The following CCSER1 variants were observed in gnomAD, a reference collection of about 807,000 sequenced individuals.
CCSER1 encodes the protein serine-rich coiled-coil domain-containing protein 1.
A neutral mutation model predicts 82.0 loss-of-function variants in CCSER1; 41 were observed. That is an observed-to-expected ratio of 0.50 (90% CI 0.39 to 0.65). The LOEUF (loss-of-function observed/expected upper bound fraction) is 0.65, where lower values mean the gene tolerates loss of function less well. Among genes scored for constraint, CCSER1 ranks in the 30% least tolerant of loss-of-function variants. The pLI, the probability that CCSER1 is intolerant of heterozygous loss-of-function variation, is 0.00. For synonymous variants in CCSER1, 414 were observed against 383.9 expected (o/e 1.08, Z -0.92); for missense variants, 1,119 against 1,064.2 (o/e 1.05, Z -0.72).
chr4:91,351,720 A>G (rs1314698356), intron 10 of CCSER1, among the ~76,000 whole-genome samples: 1 of 152,174 alleles, frequency 6.6e-6, no homozygotes, highest in Non-Finnish European at 1.5e-5. Context: ...AATAATAGGC[A>G]GAAAACTATT....
chr4:90,912,166 C>T (rs916967205), intron 8 of CCSER1, among the ~76,000 whole-genome samples: 12 of 152,174 alleles, frequency 7.9e-5, no homozygotes, highest in African/African-American at 2.4e-4. Flanking sequence ...GATCTGAGAA[C>T]GGACAGACTG....
chr4:90,489,210 C>T (rs556158269), intron 5 of CCSER1, among the ~76,000 whole-genome samples: 1 of 152,234 alleles, frequency 6.6e-6, no homozygotes, highest in East Asian at 1.9e-4. Context: ...GGGTCATTAA[C>T]ACCAGTGTAC....
At chr4:90,945,842 CAG>C (rs949044519) in intron 9 of CCSER1, among the ~76,000 whole-genome samples, 5 of 151,906 alleles carry the variant, frequency 3.3e-5, no homozygotes, top group Admixed American at 2.0e-4. Flanking sequence ...TAATCTATGT[CAG>C]GGGTTGTTCT....
At chr4:91,230,092 A>G (rs1403084057) in intron 10 of CCSER1, among the ~76,000 whole-genome samples, 1 of 152,166 alleles carries the variant, frequency 6.6e-6, no homozygotes, top group East Asian at 1.9e-4. Flanking sequence ...TCAAGGAATT[A>G]TTTGCTATGA....
chr4:90,724,817 G>A (rs1206923701), intron 7 of CCSER1, among the ~76,000 whole-genome samples: 1 of 151,630 alleles, frequency 6.6e-6, no homozygotes, highest in Non-Finnish European at 1.5e-5. Flanking sequence ...ATTATTATGA[G>A]AGTTTTTTAT....
intron 3 of CCSER1, among the ~76,000 whole-genome samples, chr4:90,325,934 AT>A (rs1452975733): frequency 1.3e-5 from 2 of 152,158 alleles, no homozygotes; most frequent in African/African-American, 4.8e-5. Context: ...TTTTTAAGTA[AT>A]TTTAAAATTG....
intron 6 of CCSER1, among the ~76,000 whole-genome samples, chr4:90,693,894 GAGAA>G (rs555785382): frequency 3.1e-3 from 462 of 148,564 alleles, no homozygotes; most frequent in Non-Finnish European, 4.9e-3. Context: ...AAAGAAGAAA[GAGAA>G]AGAAAGAAGA....
chr4:91,427,125 GA>G (rs1487701420), intron 10 of CCSER1, among the ~76,000 whole-genome samples: 1 of 152,118 alleles, frequency 6.6e-6, no homozygotes, highest in Non-Finnish European at 1.5e-5. Context: ...AACAGATAAG[GA>G]AGATAGAAGT....
intron 8 of CCSER1, among the ~76,000 whole-genome samples, chr4:90,900,094 G>GTT (rs70963096): frequency 3.1e-4 from 32 of 102,160 alleles, no homozygotes; most frequent in Admixed American, 1.2e-3. Context: ...TGGTCCCAGA[G>GTT]TTTTTTTTTT....
intron 6 of CCSER1, among the ~76,000 whole-genome samples, chr4:90,631,598 G>A (rs991109591): frequency 3.3e-5 from 5 of 152,106 alleles, no homozygotes; most frequent in South Asian, 4.1e-4. Flanking sequence ...AGGATGCCTC[G>A]ACAGAGTGTT....
chr4:90,530,911 C>G (rs1774431322), intron 5 of CCSER1, among the ~76,000 whole-genome samples: 2 of 152,244 alleles, frequency 1.3e-5, no homozygotes, highest in Middle Eastern at 3.4e-3. Flanking sequence ...AAAACTGTCC[C>G]CATAAACTTG....
At chr4:91,506,038 G>T (rs1759465157) in intron 10 of CCSER1, among the ~76,000 whole-genome samples, 1 of 152,116 alleles carries the variant, frequency 6.6e-6, no homozygotes, top group African/African-American at 2.4e-5. Context: ...GTATTGCCTA[G>T]ATTTTCTTCT....
intron 6 of CCSER1, among the ~76,000 whole-genome samples, chr4:90,656,318 T>G (rs979710364): frequency 6.6e-6 from 1 of 151,762 alleles, no homozygotes; most frequent in African/African-American, 2.4e-5. Flanking sequence ...GACTATGAAT[T>G]TTTCTATTTA....
intron 3 of CCSER1, among the ~76,000 whole-genome samples, chr4:90,391,504 A>AATATATATATATATATATATATATATAT (rs70963065): frequency 5.0e-5 from 4 of 79,422 alleles, no homozygotes; most frequent in African/African-American, 1.5e-4. Context: ...ACAGTGGGTA[A>AATATATATATATATATATATATATATAT]ATATATATAT....
At chr4:91,122,725 C>CT (rs113069933) in intron 10 of CCSER1, among the ~76,000 whole-genome samples, 3,553 of 151,676 alleles carry the variant, frequency 0.023, 132 homozygotes, top group African/African-American at 0.081. Flanking sequence ...ACAAAGAATA[C>CT]TTTTTCTAAT....
intron 1 of CCSER1, among the ~76,000 whole-genome samples, chr4:90,242,872 A>T (rs189429177): frequency 3.0e-4 from 45 of 152,292 alleles, no homozygotes; most frequent in Admixed American, 2.4e-3. Flanking sequence ...ATGAACAGAG[A>T]TACAAATCTT....
At chr4:91,207,283 G>A (rs1488400941) in intron 10 of CCSER1, among the ~76,000 whole-genome samples, 1 of 151,752 alleles carries the variant, frequency 6.6e-6, no homozygotes, top group South Asian at 2.1e-4. Context: ...TGGACTTGGT[G>A]TACGAATTAT....
intron 10 of CCSER1, among the ~76,000 whole-genome samples, chr4:91,096,025 G>A (rs1352642146): frequency 1.3e-5 from 2 of 152,168 alleles, no homozygotes; most frequent in Non-Finnish European, 2.9e-5. Flanking sequence ...ATAGTTTGGA[G>A]CAAGTCAATT....
intron 10 of CCSER1, among the ~76,000 whole-genome samples, chr4:91,210,828 T>C (rs1736756421): frequency 6.6e-6 from 1 of 151,916 alleles, no homozygotes; most frequent in Non-Finnish European, 1.5e-5. Flanking sequence ...GTGATAGTAA[T>C]GCCGATGTCA....
Sources: allele counts gnomAD v4.1 joint callset (sites outside exome capture counted in the v4.1 genomes callset), GRCh38; gene constraint gnomAD v4.1.1; transcripts MANE v1.5; gene names NCBI Gene and HGNC (gene_info 2026-07-23, HGNC 2026-07-21).